CDH12: variants seen among roughly 807,000 people sequenced by gnomAD.
The protein encoded by CDH12 is cadherin-12.
A neutral mutation model predicts 74.1 loss-of-function variants in CDH12; 41 were observed. That is an observed-to-expected ratio of 0.55 (90% CI 0.43 to 0.72). CDH12 has a LOEUF of 0.72. Ranked by LOEUF, CDH12 falls within the 30% of genes least tolerant of loss-of-function variation. The pLI is 0.00. For missense variants in CDH12, 945 were observed against 977.2 expected, an observed-to-expected ratio of 0.97 and a Z score of 0.44; for synonymous variants, 399 against 355.0, an observed-to-expected ratio of 1.12 and a Z score of -1.39.
chr5:22,101,121 T>C (rs902836927), intron 4 of CDH12, among the ~76,000 whole-genome samples: 1 of 152,140 alleles, frequency 6.6e-6, no homozygotes, highest in African/African-American at 2.4e-5. Context: ...AAATTACTTA[T>C]ATTAATGCCC....
chr5:22,315,930 T>C (rs1738615110), intron 3 of CDH12, among the ~76,000 whole-genome samples: 1 of 152,146 alleles, frequency 6.6e-6, no homozygotes, highest in African/African-American at 2.4e-5. Context: ...AGACTGCTAA[T>C]ACCTGTCTTA....
intron 6 of CDH12, among the ~76,000 whole-genome samples, chr5:21,911,167 C>A (rs1396192706): frequency 2.0e-5 from 3 of 152,040 alleles, no homozygotes; most frequent in Non-Finnish European, 4.4e-5. Context: ...TCATTGATGG[C>A]CATTACGTTA....
intron 2 of CDH12, among the ~76,000 whole-genome samples, chr5:22,444,917 A>G (rs1280649422): frequency 6.6e-6 from 1 of 152,074 alleles, no homozygotes; most frequent in Admixed American, 6.6e-5. Flanking sequence ...ATAATATACC[A>G]TGTTCTCCAG....
intron 4 of CDH12, among the ~76,000 whole-genome samples, chr5:22,191,554 C>T (rs1580380528): frequency 2.0e-4 from 11 of 55,184 alleles, no homozygotes; most frequent in East Asian, 6.2e-4. Flanking sequence ...CACCAATGGT[C>T]TTTTTATTTT....
intron 3 of CDH12, among the ~76,000 whole-genome samples, chr5:22,337,445 C>A (rs969316958): frequency 6.6e-6 from 1 of 152,144 alleles, no homozygotes; most frequent in Non-Finnish European, 1.5e-5. Context: ...GTAATTCCCA[C>A]ATGTTGTGGG....
At chr5:22,018,456 A>G (rs1737747968) in intron 5 of CDH12, among the ~76,000 whole-genome samples, 1 of 152,236 alleles carries the variant, frequency 6.6e-6, no homozygotes, top group South Asian at 2.1e-4. Context: ...TTGCAGTGAT[A>G]GTTCCTATTC....
chr5:22,173,737 G>T (rs1749175963), intron 4 of CDH12, among the ~76,000 whole-genome samples: 1 of 151,804 alleles, frequency 6.6e-6, no homozygotes, highest in East Asian at 1.9e-4. Flanking sequence ...GATAGTAAAA[G>T]CACAACTAAC....
At chr5:22,031,079 A>G (rs1738787035) in intron 5 of CDH12, among the ~76,000 whole-genome samples, 1 of 152,138 alleles carries the variant, frequency 6.6e-6, no homozygotes, top group Non-Finnish European at 1.5e-5. Context: ...TCACACCTGT[A>G]ATCCCAGCAC....
intron 10 of CDH12, among the ~76,000 whole-genome samples, chr5:21,791,074 C>G (rs572894924): frequency 6.6e-6 from 1 of 151,956 alleles, no homozygotes; most frequent in African/African-American, 2.4e-5. Flanking sequence ...TAGCTGACAC[C>G]CATTTGAACA....
At chr5:22,044,849 AG>A (rs1417318889) in intron 5 of CDH12, among the ~76,000 whole-genome samples, 1 of 152,220 alleles carries the variant, frequency 6.6e-6, no homozygotes, top group Non-Finnish European at 1.5e-5. Flanking sequence ...AACTACTAGA[AG>A]AAAACAGGGG....
At chr5:22,095,658 G>A (rs1010486316) in intron 4 of CDH12, among the ~76,000 whole-genome samples, 2 of 150,918 alleles carry the variant, frequency 1.3e-5, no homozygotes, top group African/African-American at 2.5e-5. Context: ...TAGGGGGCAA[G>A]AACCCCCCAA....
intron 1 of CDH12, among the ~76,000 whole-genome samples, chr5:22,644,548 C>T (rs1739335123): frequency 1.3e-5 from 2 of 151,758 alleles, no homozygotes; most frequent in African/African-American, 2.4e-5. Context: ...GAAGCTAGCA[C>T]AGGTTGGTTC....
chr5:22,390,704 T>C (rs915255252), intron 3 of CDH12, among the ~76,000 whole-genome samples: 1 of 152,094 alleles, frequency 6.6e-6, no homozygotes, highest in Non-Finnish European at 1.5e-5. Context: ...GGTTTGACAA[T>C]GGCTGTATTA....
chr5:21,775,151 G>A (rs1441701064), intron 11 of CDH12, among the ~76,000 whole-genome samples: 1 of 152,174 alleles, frequency 6.6e-6, no homozygotes, highest in Non-Finnish European at 1.5e-5. Context: ...TTCTCAAAGC[G>A]AATAGAACTA....
At chr5:22,266,282 G>C (rs532442447) in intron 3 of CDH12, among the ~76,000 whole-genome samples, 1 of 151,976 alleles carries the variant, frequency 6.6e-6, no homozygotes, top group South Asian at 2.1e-4. Flanking sequence ...CACCATGTTG[G>C]CCTGGCTTGT....
At chr5:21,946,129 G>A (rs1479682139) in intron 6 of CDH12, among the ~76,000 whole-genome samples, 1 of 152,150 alleles carries the variant, frequency 6.6e-6, no homozygotes, top group Non-Finnish European at 1.5e-5. Context: ...AAGTACTGAA[G>A]GAACAGAACT....
At chr5:22,560,209 T>G (rs1175330644) in intron 1 of CDH12, among the ~76,000 whole-genome samples, 1 of 152,166 alleles carries the variant, frequency 6.6e-6, no homozygotes, top group African/African-American at 2.4e-5. Flanking sequence ...AAATATTAAT[T>G]GGGAAAATTC....
chr5:22,344,890 A>G (rs1335661034), intron 3 of CDH12, among the ~76,000 whole-genome samples: 2 of 152,168 alleles, frequency 1.3e-5, no homozygotes, highest in Non-Finnish European at 2.9e-5. Flanking sequence ...GTATCACCCA[A>G]ATTTAACAAT....
intron 4 of CDH12, among the ~76,000 whole-genome samples, chr5:22,162,891 C>T (rs1460616229): frequency 7.0e-4 from 56 of 80,514 alleles, no homozygotes; most frequent in African/African-American, 2.6e-3. Context: ...TTCCCTCTGA[C>T]TTTTTTTTTT....
Sources: allele counts gnomAD v4.1 joint callset (sites outside exome capture counted in the v4.1 genomes callset), GRCh38; gene constraint gnomAD v4.1.1; transcripts MANE v1.5; gene names NCBI Gene and HGNC (gene_info 2026-07-23, HGNC 2026-07-21).